OPA1: variants seen among roughly 807,000 people sequenced by gnomAD.
OPA1 encodes dynamin-like GTPase OPA1, mitochondrial.
A neutral mutation model predicts 152.9 loss-of-function variants in OPA1; 59 were observed. The observed-to-expected ratio is 0.39, with a 90% confidence interval of 0.31 to 0.48. The LOEUF is 0.48. OPA1 is among the 20% of genes least tolerant of loss of function. OPA1 has a pLI of 0.96. For missense variants in OPA1, 1,008 were observed against 1,216.8 expected (o/e 0.83, Z 2.55); for synonymous variants, 400 against 389.9 (o/e 1.03, Z -0.31).
chr3:193,674,953 C>G (rs186006862), intron 29 of OPA1, among the ~76,000 whole-genome samples: 165 of 152,298 alleles, frequency 1.1e-3, no homozygotes, highest in African/African-American at 2.9e-3. Flanking sequence ...TTCTTGCCAT[C>G]CCCGATTACC....
chr3:193,631,391 T>A (rs1029354617), intron 7 of OPA1, among the ~76,000 whole-genome samples: 1 of 152,202 alleles, frequency 6.6e-6, no homozygotes, highest in Non-Finnish European at 1.5e-5. Context: ...TGATTGCCTT[T>A]TAAGGTTTTT....
Position 193,654,849 on chromosome 3 carries a change from T to A in OPA1, c.2013-13T>A. 6.2e-7 allele frequency: 1 copy of A among 1,612,596 alleles called. No homozygotes were observed. Among genetic ancestry groups the A allele is most frequent in the Non-Finnish European group, 8.5e-7 (1 of 1,179,060 alleles). On this transcript the variant is annotated splice_polypyrimidine_tract_variant and intron_variant, in intron 21 of 30. Coordinates refer to ENST00000361510, the MANE Select transcript of OPA1 (RefSeq NM_130837.3). ...TATTTAGATTTGGTGCTTTTGATAC[T>A]TTTTTATTTCAGGGAGGAAATCCTT...
rs372435892 is a variant in OPA1 at position 193,614,943 on chromosome 3, C to T, written c.253C>T (p.Arg85Cys). 1.7e-4 allele frequency: 281 copies of T among 1,613,868 alleles called. 2 individuals carry two copies. In the South Asian group the frequency reaches 2.5e-3, roughly 14 times the overall value. The change falls in exon 2 of 31, where the codon CGC becomes TGC. Residue 85 changes from arginine (R) to cysteine (C), a missense_variant. Arg to Cys is a radical substitution (Grantham distance 180). Around this residue, in one of 7 missense-constraint regions of OPA1, gnomAD observed 408 missense variants for 395.1 expected, o/e 1.03. Transcript: ENST00000361510. Reference sequence around the variant, plus strand: ...TCCAATTAAATATGGCTACCAGCCTCGCAGGAATTTTTGGCCAGCAAGATT... The same window carrying T: ...TCCAATTAAATATGGCTACCAGCCTTGCAGGAATTTTTGGCCAGCAAGATT... Reference protein sequence around the residue: ...FSPIKYGYQPRRNFWPARLAT... With the variant: ...FSPIKYGYQPCRNFWPARLAT...
At chr3:193,663,945 A>T (rs1220322189) in intron 26 of OPA1, among the ~76,000 whole-genome samples, 1 of 152,140 alleles carries the variant, frequency 6.6e-6, no homozygotes, top group African/African-American at 2.4e-5. Context: ...AATAAGTTAT[A>T]TTCAGTTTGA....
chr3:193,609,372 C>T (rs1456171270), intron 1 of OPA1, among the ~76,000 whole-genome samples: 1 of 152,202 alleles, frequency 6.6e-6, no homozygotes, highest in African/African-American at 2.4e-5. Flanking sequence ...GGCCTCCACT[C>T]TCTTCTGGCG....
At chr3:193,626,293 C>A in intron 7 of OPA1, 91 bp downstream of exon 7, 2 of 854,874 alleles carry the variant, frequency 2.3e-6, no homozygotes, top group Non-Finnish European at 3.9e-6. Flanking sequence ...TCATGGACTC[C>A]AAATACAAGA....
chr3:193,684,960 G>T (rs946221867), intron 29 of OPA1, among the ~76,000 whole-genome samples: 9 of 152,264 alleles, frequency 5.9e-5, no homozygotes, highest in Middle Eastern at 3.4e-3. Flanking sequence ...CTAGCCAAAA[G>T]GAGCCTAGTA....
chr3:193,635,934 C>A (rs1397356265), intron 9 of OPA1, among the ~76,000 whole-genome samples: 1 of 152,120 alleles, frequency 6.6e-6, no homozygotes, highest in African/African-American at 2.4e-5. Flanking sequence ...AAAATTAACA[C>A]TTTTCTTCTA....
At chr3:193,686,704 A>G (rs1044062983) in intron 29 of OPA1, among the ~76,000 whole-genome samples, 2 of 152,190 alleles carry the variant, frequency 1.3e-5, no homozygotes, top group African/African-American at 2.4e-5. Flanking sequence ...AAACCTTTTC[A>G]TGAACAATAT....
chr3:193,628,298 A>T (rs1479443969), intron 7 of OPA1, among the ~76,000 whole-genome samples: 1 of 152,122 alleles, frequency 6.6e-6, no homozygotes, highest in Non-Finnish European at 1.5e-5. Flanking sequence ...TCAGCAAAAG[A>T]ACTCAAGCAG....
intron 29 of OPA1, among the ~76,000 whole-genome samples, chr3:193,668,014 G>A (rs1717027163): frequency 6.6e-6 from 1 of 152,106 alleles, no homozygotes; most frequent in Non-Finnish European, 1.5e-5. Flanking sequence ...TTTCTCAGTG[G>A]AAAGAGCTAG....
rs560666023 is a variant in OPA1, at chr3:193,598,540, A to G, written c.32+5131A>G. The stretch of plus-strand genomic sequence containing the variant: ...GGGTACAGGCAGAGAGAAAAACAAT[A>G]AGGCTCATGTAGGGTTTGTATTTTG... On this transcript the variant is annotated intron_variant, in intron 1 of 30. Coordinates refer to ENST00000361510, the MANE Select transcript of OPA1 (RefSeq NM_130837.3). 3.0e-4 allele frequency among the ~76,000 whole-genome samples: 45 copies of G among 152,340 alleles called. 1 individual carries two copies. Among genetic ancestry groups the G allele is most frequent in the Admixed American group, 2.4e-3 (37 of 15,304 alleles).
At chr3:193,685,077 G>A (rs543546748) in intron 29 of OPA1, among the ~76,000 whole-genome samples, 2 of 152,118 alleles carry the variant, frequency 1.3e-5, no homozygotes, top group African/African-American at 4.8e-5. Flanking sequence ...CAAGGCAGGT[G>A]GATCACGAGG....
chr3:193,674,842 A>T (rs1322063009), intron 29 of OPA1, among the ~76,000 whole-genome samples: 2 of 151,206 alleles, frequency 1.3e-5, no homozygotes, highest in African/African-American at 2.5e-5. Context: ...TTGTACTCGG[A>T]ATTTGGAACT....
chr3:193,611,154 G>T (rs1728175893), intron 1 of OPA1, among the ~76,000 whole-genome samples: 1 of 152,208 alleles, frequency 6.6e-6, no homozygotes, highest in South Asian at 2.1e-4. Flanking sequence ...GACTGGAGCT[G>T]TTCCTATTTG....
At chr3:193,668,791 G>A (rs939559577) in intron 29 of OPA1, 6 of 1,181,316 alleles carry the variant, frequency 5.1e-6, no homozygotes, top group Non-Finnish European at 6.4e-6. Context: ...CACTGTTTGG[G>A]GTTGATATTT....
intron 29 of OPA1, among the ~76,000 whole-genome samples, chr3:193,689,757 G>A (rs1426785320): frequency 6.6e-6 from 1 of 152,116 alleles, no homozygotes; most frequent in Non-Finnish European, 1.5e-5. Context: ...TACTCAAATC[G>A]TGTATCAAAT....
intron 29 of OPA1, among the ~76,000 whole-genome samples, chr3:193,682,579 G>A (rs899708025): frequency 6.6e-6 from 1 of 152,144 alleles, no homozygotes; most frequent in African/African-American, 2.4e-5. Context: ...AATGCAGCAG[G>A]TGCCTTTAAG....
intron 1 of OPA1, among the ~76,000 whole-genome samples, chr3:193,605,356 A>G (rs569773941): frequency 1.3e-5 from 2 of 152,234 alleles, no homozygotes; most frequent in African/African-American, 4.8e-5. Context: ...AACTGGTAGG[A>G]TTGGAGTGTT....
Sources: allele counts gnomAD v4.1 joint callset (sites outside exome capture counted in the v4.1 genomes callset), GRCh38; gene constraint gnomAD v4.1.1; regional missense constraint gnomAD v4.1.1; transcripts MANE v1.5; gene names NCBI Gene and HGNC (gene_info 2026-07-23, HGNC 2026-07-21).